CAMK1D: variants seen among roughly 807,000 people sequenced by gnomAD.
The protein encoded by CAMK1D is calcium/calmodulin-dependent protein kinase type 1D.
A neutral mutation model predicts 47.7 loss-of-function variants in CAMK1D; 9 were observed. The observed-to-expected ratio is 0.19, with a 90% CI of 0.11 to 0.33. The LOEUF (loss-of-function observed/expected upper bound fraction) is 0.33, where lower values mean the gene tolerates loss of function less well. Among genes scored for constraint, CAMK1D ranks in the 10% least tolerant of loss-of-function variants. The pLI is 1.00. For synonymous variants in CAMK1D, 184 were observed against 184.9 expected (o/e 0.99, Z 0.04); for missense variants, 291 against 488.7 (o/e 0.60, Z 3.81).
intron 1 of CAMK1D, among the ~76,000 whole-genome samples, chr10:12,375,386 C>G (rs1230458574): frequency 2.0e-5 from 3 of 152,194 alleles, no homozygotes; most frequent in African/African-American, 4.8e-5. Flanking sequence ...AAATCATCCC[C>G]GCCTTCCGTG....
chr10:12,759,398 T>C (rs1836392957), intron 3 of CAMK1D, among the ~76,000 whole-genome samples: 1 of 152,178 alleles, frequency 6.6e-6, no homozygotes, highest in South Asian at 2.1e-4. Context: ...CAGACTCACC[T>C]TGTCCCTAAC....
chr10:12,701,277 AG>A (rs1422661632), intron 3 of CAMK1D, among the ~76,000 whole-genome samples: 7 of 152,240 alleles, frequency 4.6e-5, no homozygotes, highest in African/African-American at 1.4e-4. Context: ...TAGTGTCCAA[AG>A]GGTTTTTACT....
intron 2 of CAMK1D, among the ~76,000 whole-genome samples, chr10:12,621,801 T>TTG (rs34900693): frequency 0.46 from 69,506 of 151,552 alleles, 18,202 homozygotes; most frequent in Non-Finnish European, 0.57. Flanking sequence ...TTAGTTCTAG[T>TTG]TGTGTGTGTG....
chr10:12,547,746 C>T (rs551278480), intron 1 of CAMK1D, among the ~76,000 whole-genome samples: 5 of 143,786 alleles, frequency 3.5e-5, no homozygotes, highest in African/African-American at 1.0e-4. Flanking sequence ...ACTGTTCATT[C>T]GTGAGCTTTG....
At chr10:12,463,429 C>T (rs553920169) in intron 1 of CAMK1D, among the ~76,000 whole-genome samples, 1 of 152,254 alleles carries the variant, frequency 6.6e-6, no homozygotes, top group African/African-American at 2.4e-5. Context: ...TGAGCCACTG[C>T]ACTTGGCCAG....
At chr10:12,718,247 G>C (rs1310329267) in intron 3 of CAMK1D, among the ~76,000 whole-genome samples, 1 of 152,084 alleles carries the variant, frequency 6.6e-6, no homozygotes, top group South Asian at 2.1e-4. Context: ...CTTGAAATAG[G>C]GTTCGAAAGA....
chr10:12,628,080 C>CA lies in CAMK1D; in HGVS notation c.225-38647dup, dbSNP rs1248686635. Among the ~76,000 whole-genome samples the CA allele has an allele frequency of 8.5e-3, 690 of 81,288 alleles. 6 individuals carry two copies. The highest frequency in any genetic ancestry group is 0.019 in the East Asian group (59 of 3,086). 53.3% of individuals were successfully genotyped at this position (81,288 alleles called of 152,430 possible). A position where few individuals can be genotyped will look rare whatever the true frequency, so the allele number is the denominator to read the frequency against. ...TGGGCGACAGAGCAAGACTCTGTCT[C>CA]AAAAAAAAACAAAAAACAAAAAACA... On this transcript the variant is annotated intron_variant, in intron 2 of 10. Coordinates refer to ENST00000619168, the MANE Select transcript of CAMK1D (RefSeq NM_153498.4).
intron 1 of CAMK1D, among the ~76,000 whole-genome samples, chr10:12,354,081 T>A (rs1837427509): frequency 6.6e-6 from 1 of 152,172 alleles, no homozygotes; most frequent in Non-Finnish European, 1.5e-5. Context: ...CCTGGGTACT[T>A]GGCACGTGGC....
At chr10:12,598,866 C>T (rs1171136253) in intron 2 of CAMK1D, among the ~76,000 whole-genome samples, 5 of 152,138 alleles carry the variant, frequency 3.3e-5, no homozygotes, top group South Asian at 2.1e-4. Context: ...TCTATTTTTA[C>T]GAGGCCTACA....
Position 12,636,877 on chromosome 10 carries a change from C to T in CAMK1D, c.225-29859C>T, listed in dbSNP as rs10508444. On this transcript the variant is annotated intron_variant, in intron 2 of 10. Coordinates refer to ENST00000619168, the MANE Select transcript of CAMK1D (RefSeq NM_153498.4). ...TTTCTCTGAATATTGGACATGCTTCCTGTGTACTTCAGTGTTCTTGCTCAG... is the reference window on the plus strand; with the variant it reads ...TTTCTCTGAATATTGGACATGCTTCTTGTGTACTTCAGTGTTCTTGCTCAG... Among the ~76,000 whole-genome samples the T allele has an allele frequency of 8.4e-3, 1,272 of 152,298 alleles. 49 individuals are homozygous for T. Among genetic ancestry groups the T allele is most frequent in the Admixed American group, 0.067 (1,024 of 15,296 alleles).
chr10:12,448,276 TG>T (rs1361999070), intron 1 of CAMK1D, among the ~76,000 whole-genome samples: 1 of 149,800 alleles, frequency 6.7e-6, no homozygotes, highest in Non-Finnish European at 1.5e-5. Flanking sequence ...CCTCCTGCCT[TG>T]GCCTCCCAAA....
intron 8 of CAMK1D, among the ~76,000 whole-genome samples, chr10:12,818,742 C>T (rs566890984): frequency 2.9e-4 from 44 of 152,110 alleles, no homozygotes; most frequent in African/African-American, 1.0e-3. Context: ...GCCAGGATTC[C>T]AGCCAAAACT....
chr10:12,449,395 G>A (rs983154541), intron 1 of CAMK1D, among the ~76,000 whole-genome samples: 3 of 151,650 alleles, frequency 2.0e-5, no homozygotes, highest in African/African-American at 7.3e-5. Context: ...TAACCAGCTC[G>A]TCCACTAACC....
At chr10:12,406,722 C>CAAAAAAAAAAAAAAAAA (rs3061400) in intron 1 of CAMK1D, among the ~76,000 whole-genome samples, 1 of 69,230 alleles carries the variant, frequency 1.4e-5, no homozygotes, top group African/African-American at 7.0e-5. Flanking sequence ...GACCCTGTCT[C>CAAAAAAAAAAAAAAAAA]AAAAAAAAAA....
intron 1 of CAMK1D, among the ~76,000 whole-genome samples, chr10:12,508,074 C>T (rs1482729913): frequency 6.6e-6 from 1 of 152,166 alleles, no homozygotes; most frequent in Non-Finnish European, 1.5e-5. Flanking sequence ...TAACGAGCAT[C>T]CCGAGACACT....
chr10:12,454,249 G>A (rs1376835685), intron 1 of CAMK1D, among the ~76,000 whole-genome samples: 4 of 152,150 alleles, frequency 2.6e-5, no homozygotes, highest in Non-Finnish European at 4.4e-5. Flanking sequence ...TGCAACCTCC[G>A]CCTCCTGGGT....
chr10:12,580,784 T>C (rs1837641737), intron 2 of CAMK1D, among the ~76,000 whole-genome samples: 1 of 152,206 alleles, frequency 6.6e-6, no homozygotes, highest in African/African-American at 2.4e-5. Context: ...GTGTATTGTT[T>C]TGAAAAGTAT....
intron 2 of CAMK1D, among the ~76,000 whole-genome samples, chr10:12,616,942 G>A (rs990565749): frequency 1.3e-5 from 2 of 152,116 alleles, no homozygotes; most frequent in Admixed American, 6.5e-5. Context: ...GCATTTATTC[G>A]GTGAAGTGTT....
At chr10:12,373,403 G>T (rs1176221044) in intron 1 of CAMK1D, among the ~76,000 whole-genome samples, 1 of 151,648 alleles carries the variant, frequency 6.6e-6, no homozygotes, top group East Asian at 2.0e-4. Context: ...AAGCCAACGC[G>T]GGTGGGTCAC....
Sources: gnomAD v4.1 joint callset for allele counts (sites outside exome capture counted in the v4.1 genomes callset) on GRCh38, gnomAD v4.1.1 for gene constraint, MANE v1.5 for transcripts, NCBI Gene and HGNC (gene_info 2026-07-23, HGNC 2026-07-21) for gene names.